BMAL2: variants seen among roughly 807,000 people sequenced by gnomAD.
BMAL2 encodes the protein basic helix-loop-helix ARNT-like protein 2.
At chr12:27,346,226 T>G in the BMAL2 span, among the ~76,000 whole-genome samples, 3 of 104,434 alleles carry the variant, frequency 2.9e-5, no homozygotes, top group African/African-American at 4.6e-5. Context: ...CTTTATCTTA[T>G]CTCCTGAATG....
the BMAL2 span, among the ~76,000 whole-genome samples, chr12:27,379,080 G>A: frequency 6.6e-6 from 1 of 152,094 alleles, no homozygotes; most frequent in African/African-American, 2.4e-5. Flanking sequence ...ATGAATTTGT[G>A]TTGGGCTGCA....
chr12:27,409,386 C>T, the BMAL2 span, among the ~76,000 whole-genome samples: 6 of 152,032 alleles, frequency 3.9e-5, no homozygotes, highest in Admixed American at 2.6e-4. Flanking sequence ...GGTACTGGTA[C>T]CAAAACAGAG....
the BMAL2 span, among the ~76,000 whole-genome samples, chr12:27,343,898 T>A: frequency 6.6e-6 from 1 of 152,252 alleles, no homozygotes; most frequent in Non-Finnish European, 1.5e-5. Context: ...CCAGTTTCCT[T>A]ATAGTCATCA....
chr12:27,369,371 A>C, the BMAL2 span, among the ~76,000 whole-genome samples: 2 of 152,018 alleles, frequency 1.3e-5, no homozygotes, highest in Admixed American at 1.3e-4. Context: ...AGTTCTTCCC[A>C]ATACACTTTA....
chr12:27,378,431 T>C, the BMAL2 span, among the ~76,000 whole-genome samples: 1 of 152,168 alleles, frequency 6.6e-6, no homozygotes, highest in Admixed American at 6.5e-5. Context: ...AGAATAGGAT[T>C]TCTCCAACAG....
chr12:27,384,984 T>C, the BMAL2 span, among the ~76,000 whole-genome samples: 1 of 152,166 alleles, frequency 6.6e-6, no homozygotes, highest in Non-Finnish European at 1.5e-5. Flanking sequence ...ATTCACAATC[T>C]AAAAGAAAGA....
chr12:27,339,930 C>T, the BMAL2 span, among the ~76,000 whole-genome samples: 2 of 152,060 alleles, frequency 1.3e-5, no homozygotes, highest in African/African-American at 4.8e-5. Flanking sequence ...GTCCTTTGCC[C>T]ACGTTTTAAT....
chr12:27,341,185 A>G, the BMAL2 span, among the ~76,000 whole-genome samples: 3 of 148,234 alleles, frequency 2.0e-5, no homozygotes, highest in Non-Finnish European at 4.6e-5. Flanking sequence ...GTCTTGTGCC[A>G]GTTTTCAAGG....
the BMAL2 span, chr12:27,420,424 C>G: frequency 3.1e-6 from 5 of 1,613,796 alleles, no homozygotes; most frequent in South Asian, 5.5e-5. Flanking sequence ...ATTTCGATGC[C>G]CTATGTGACA....
chr12:27,357,102 G>C, the BMAL2 span, among the ~76,000 whole-genome samples: 3 of 152,072 alleles, frequency 2.0e-5, no homozygotes, highest in South Asian at 2.1e-4. Context: ...TTTTATGGCT[G>C]AGTAGTATAT....
the BMAL2 span, chr12:27,376,302 A>AT: frequency 6.5e-7 from 1 of 1,536,270 alleles, no homozygotes; most frequent in Non-Finnish European, 9.0e-7. Flanking sequence ...AACTACAGAA[A>AT]AGGTACTTCA....
the BMAL2 span, among the ~76,000 whole-genome samples, chr12:27,335,405 C>A: frequency 6.6e-6 from 1 of 152,284 alleles, no homozygotes; most frequent in East Asian, 1.9e-4. Flanking sequence ...AGACTCACTG[C>A]CAGAGATGGT....
chr12:27,397,260 T>TG, the BMAL2 span, among the ~76,000 whole-genome samples: 1 of 152,108 alleles, frequency 6.6e-6, no homozygotes, highest in Admixed American at 6.5e-5. Context: ...TTAGTAGAGA[T>TG]GGGGTTTCAC....
At chr12:27,337,786 A>C in the BMAL2 span, among the ~76,000 whole-genome samples, 1 of 152,212 alleles carries the variant, frequency 6.6e-6, no homozygotes, top group African/African-American at 2.4e-5. Context: ...GGGTAAAAAT[A>C]CCTAACTTGG....
the BMAL2 span, chr12:27,376,334 G>C: frequency 5.0e-6 from 8 of 1,611,946 alleles, no homozygotes; most frequent in Non-Finnish European, 5.9e-6. Context: ...ATTTTATCCT[G>C]CTTTTTTGTA....
the BMAL2 span, among the ~76,000 whole-genome samples, chr12:27,369,959 A>G: frequency 8.5e-5 from 13 of 152,332 alleles, no homozygotes; most frequent in South Asian, 2.7e-3. Context: ...CCAGCATCAC[A>G]CAGCTTGTTA....
the BMAL2 span, among the ~76,000 whole-genome samples, chr12:27,379,553 G>C: frequency 9.8e-5 from 15 of 152,296 alleles, no homozygotes; most frequent in Non-Finnish European, 1.9e-4. Flanking sequence ...AGGCAGAGAG[G>C]CTGTGGAGAC....
the BMAL2 span, among the ~76,000 whole-genome samples, chr12:27,379,210 G>C: frequency 6.6e-6 from 1 of 152,176 alleles, no homozygotes; most frequent in Non-Finnish European, 1.5e-5. Flanking sequence ...GAGTAGTACA[G>C]GAAGAATTGA....
chr12:27,390,698 A>G, the BMAL2 span, among the ~76,000 whole-genome samples: 2 of 152,158 alleles, frequency 1.3e-5, no homozygotes, highest in Non-Finnish European at 2.9e-5. Flanking sequence ...TAAATATCTC[A>G]TTTGTTTTCT....
Sources: allele counts gnomAD v4.1 joint callset (sites outside exome capture counted in the v4.1 genomes callset), GRCh38; gene constraint gnomAD v4.1.1; transcripts MANE v1.5; gene names NCBI Gene and HGNC (gene_info 2026-07-23, HGNC 2026-07-21).